ADGRL2: variants seen among roughly 807,000 people sequenced by gnomAD.
ADGRL2 encodes calcium-independent alpha-latrotoxin receptor 2.
A neutral mutation model predicts 157.4 loss-of-function variants in ADGRL2; 44 were observed. That is an observed-to-expected ratio of 0.28 (90% CI 0.22 to 0.36). The LOEUF (loss-of-function observed/expected upper bound fraction) is 0.36, where lower values mean the gene tolerates loss of function less well. Ranked by LOEUF, ADGRL2 falls within the 10% of genes least tolerant of loss-of-function variation. ADGRL2 has a pLI of 1.00. For missense variants in ADGRL2, 1,510 were observed against 1,768.9 expected, an observed-to-expected ratio of 0.85 and a Z score of 2.63; for synonymous variants, 585 against 624.7, an observed-to-expected ratio of 0.94 and a Z score of 0.95.
At chr1:81,622,768 C>T (rs542019126) in intron 3 of ADGRL2, among the ~76,000 whole-genome samples, 1 of 152,194 alleles carries the variant, frequency 6.6e-6, no homozygotes, top group Non-Finnish European at 1.5e-5. Flanking sequence ...AAAACAACAA[C>T]AAAACCTATA....
At chr1:81,957,551 A>G (rs1362749565) in intron 11 of ADGRL2, among the ~76,000 whole-genome samples, 4 of 151,044 alleles carry the variant, frequency 2.6e-5, no homozygotes, top group Non-Finnish European at 4.4e-5. Context: ...ATACGCCAAG[A>G]AAAAAAAATA....
At chr1:81,381,391 A>AG (rs1229896868) in intron 1 of ADGRL2, among the ~76,000 whole-genome samples, 2 of 152,144 alleles carry the variant, frequency 1.3e-5, no homozygotes, top group Non-Finnish European at 2.9e-5. Flanking sequence ...GGTTTAAACT[A>AG]GAAACTCTTT....
At chr1:81,930,864 G>A (rs2095215303) in intron 3 of ADGRL2, among the ~76,000 whole-genome samples, 1 of 152,138 alleles carries the variant, frequency 6.6e-6, no homozygotes, top group Non-Finnish European at 1.5e-5. Flanking sequence ...AGACACGGTG[G>A]CTCATGCCTG....
chr1:81,380,944 A>G (rs909519577), intron 1 of ADGRL2, among the ~76,000 whole-genome samples: 1 of 152,132 alleles, frequency 6.6e-6, no homozygotes, highest in Non-Finnish European at 1.5e-5. Context: ...GAAATATATA[A>G]ATAAATAAGG....
chr1:81,412,889 G>GA (rs5775611), intron 1 of ADGRL2, among the ~76,000 whole-genome samples: 27,663 of 151,610 alleles, frequency 0.18, 3,145 homozygotes, highest in East Asian at 0.46. Flanking sequence ...GAGGAACTTT[G>GA]AAAAAAAATT....
intron 1 of ADGRL2, among the ~76,000 whole-genome samples, chr1:81,727,318 G>A (rs940806172): frequency 7.2e-5 from 11 of 151,948 alleles, no homozygotes; most frequent in East Asian, 1.9e-4. Context: ...CTATAATCCC[G>A]TCACACAGAA....
intron 1 of ADGRL2, among the ~76,000 whole-genome samples, chr1:81,806,009 TGTA>T (rs2089083939): frequency 2.0e-5 from 3 of 152,044 alleles, no homozygotes; most frequent in Admixed American, 2.0e-4. Flanking sequence ...ATTAATGTGT[TGTA>T]GAAGAACTTC....
At chr1:81,433,470 C>A (rs946743638) in intron 1 of ADGRL2, among the ~76,000 whole-genome samples, 1 of 152,104 alleles carries the variant, frequency 6.6e-6, no homozygotes, top group Non-Finnish European at 1.5e-5. Context: ...CAATGAAGAA[C>A]ATAAAATGTG....
upstream of ADGRL2, among the ~76,000 whole-genome samples, chr1:81,795,918 C>T (rs1390422342): frequency 2.6e-5 from 4 of 152,162 alleles, no homozygotes; most frequent in Non-Finnish European, 4.4e-5. Context: ...AAATTTAATT[C>T]ATCGTTGACA....
At chr1:81,868,731 GCTT>G (rs1401690110) in intron 2 of ADGRL2, among the ~76,000 whole-genome samples, 2 of 151,920 alleles carry the variant, frequency 1.3e-5, no homozygotes, top group Non-Finnish European at 2.9e-5. Flanking sequence ...TGTTAACTTT[GCTT>G]CTTCTTTAGC....
At chr1:81,523,871 A>T (rs1336651970) in intron 2 of ADGRL2, among the ~76,000 whole-genome samples, 1 of 150,370 alleles carries the variant, frequency 6.7e-6, no homozygotes, top group African/African-American at 2.4e-5. Flanking sequence ...AAACCAGCCC[A>T]GCGAAGATAG....
intron 2 of ADGRL2, among the ~76,000 whole-genome samples, chr1:81,549,472 T>C (rs1432308504): frequency 6.6e-6 from 1 of 152,174 alleles, no homozygotes; most frequent in Non-Finnish European, 1.5e-5. Context: ...CTGCAAATGG[T>C]CTCCTAGTAA....
chr1:81,462,611 T>G (rs954123729), intron 2 of ADGRL2, among the ~76,000 whole-genome samples: 1 of 152,190 alleles, frequency 6.6e-6, no homozygotes, highest in Admixed American at 6.5e-5. Context: ...TGTGGTCCGA[T>G]TTTTACTCAG....
chr1:81,731,244 AT>A (rs2149177799), intron 1 of ADGRL2, among the ~76,000 whole-genome samples: 1 of 152,292 alleles, frequency 6.6e-6, no homozygotes, highest in African/African-American at 2.4e-5. Flanking sequence ...AGGTTTTCCT[AT>A]TTTAAGTGTT....
At chr1:81,983,236 A>G (rs939117427) in intron 19 of ADGRL2, among the ~76,000 whole-genome samples, 2 of 151,948 alleles carry the variant, frequency 1.3e-5, no homozygotes, top group African/African-American at 4.8e-5. Context: ...TAAATGCATC[A>G]TGTTATACTT....
chr1:81,623,055 T>A (rs184257296), intron 3 of ADGRL2, among the ~76,000 whole-genome samples: 1 of 152,188 alleles, frequency 6.6e-6, no homozygotes, highest in Non-Finnish European at 1.5e-5. Context: ...TTAATGCAGA[T>A]TCTGATTCCA....
intron 2 of ADGRL2, among the ~76,000 whole-genome samples, chr1:81,881,542 C>CTT (rs2093988182): frequency 6.6e-6 from 1 of 152,112 alleles, no homozygotes; most frequent in Non-Finnish European, 1.5e-5. Flanking sequence ...ACAAATAGTA[C>CTT]TGAAAAAGGA....
At chr1:81,333,483 T>C (rs2100711873) in intron 1 of ADGRL2, among the ~76,000 whole-genome samples, 1 of 152,254 alleles carries the variant, frequency 6.6e-6, no homozygotes, top group East Asian at 1.9e-4. Flanking sequence ...TGGCACCATC[T>C]TGGCTCACAG....
At chr1:81,966,020 C>A (rs754231107) in intron 11 of ADGRL2, 38 bp from the exon 12 acceptor site, 1 of 1,604,990 alleles carries the variant, frequency 6.2e-7, no homozygotes, top group South Asian at 1.1e-5. Flanking sequence ...TTAAAGAATC[C>A]TTTTTTCCCC....
Sources: allele counts gnomAD v4.1 joint callset (sites outside exome capture counted in the v4.1 genomes callset), GRCh38; gene constraint gnomAD v4.1.1; transcripts MANE v1.5; gene names NCBI Gene and HGNC (gene_info 2026-07-23, HGNC 2026-07-21).